Variants in MAP2 observed in about 807,000 individuals in gnomAD.
MAP2 encodes the protein microtubule-associated protein 2.
Under a neutral mutation model 137.6 loss-of-function variants are expected in MAP2, and 14 were observed. The observed-to-expected ratio is 0.10, with a 90% CI of 0.07 to 0.16. The LOEUF (loss-of-function observed/expected upper bound fraction) is 0.16. Among genes scored for constraint, MAP2 ranks in the 10% least tolerant of loss-of-function variants. MAP2 has a pLI of 1.00. For synonymous variants in MAP2, 786 were observed against 782.3 expected (o/e 1.00, Z -0.08); for missense variants, 2,088 against 2,191.5 (o/e 0.95, Z 0.94).
At chr2:209,448,114 A>G (rs1699516455) in intron 1 of MAP2, among the ~76,000 whole-genome samples, 1 of 152,166 alleles carries the variant, frequency 6.6e-6, no homozygotes, top group Non-Finnish European at 1.5e-5. Context: ...CAAGTAGAAG[A>G]AAAATCTACT....
At chr2:209,470,471 A>T (rs949986631) in intron 1 of MAP2, among the ~76,000 whole-genome samples, 1 of 149,414 alleles carries the variant, frequency 6.7e-6, no homozygotes, top group Non-Finnish European at 1.5e-5. Context: ...ATATATAAAC[A>T]TATATATTAT....
At chr2:209,537,140 A>AT (rs1258929977) in intron 2 of MAP2, among the ~76,000 whole-genome samples, 1 of 151,920 alleles carries the variant, frequency 6.6e-6, no homozygotes, top group African/African-American at 2.4e-5. Context: ...TGTCAGCACC[A>AT]TTTTTTCAAC....
intron 5 of MAP2, among the ~76,000 whole-genome samples, chr2:209,660,827 G>A (rs1219831504): frequency 2.7e-5 from 4 of 148,110 alleles, no homozygotes; most frequent in Admixed American, 2.0e-4. Flanking sequence ...TCCGCCTCCC[G>A]GATTCACACC....
chr2:209,561,085 T>A (rs111984467), intron 2 of MAP2, among the ~76,000 whole-genome samples: 3,710 of 152,184 alleles, frequency 0.024, 148 homozygotes, highest in African/African-American at 0.084. Flanking sequence ...AGGCATGAGG[T>A]TGGAGGAAGG....
intron 1 of MAP2, among the ~76,000 whole-genome samples, chr2:209,477,487 A>G (rs965142721): frequency 6.6e-6 from 1 of 152,112 alleles, no homozygotes; most frequent in Non-Finnish European, 1.5e-5. Context: ...GGTTCATGCT[A>G]TTCCTAAAAC....
At chr2:209,647,144 T>C (rs1381726759) in intron 4 of MAP2, among the ~76,000 whole-genome samples, 1 of 151,942 alleles carries the variant, frequency 6.6e-6, no homozygotes, top group Non-Finnish European at 1.5e-5. Context: ...CAATCAGATA[T>C]CATGAGAGCT....
intron 3 of MAP2, among the ~76,000 whole-genome samples, chr2:209,607,776 A>G (rs2085304503): frequency 6.6e-6 from 1 of 152,094 alleles, no homozygotes; most frequent in African/African-American, 2.4e-5. Flanking sequence ...ACTGGTGTGC[A>G]CTATTGCTGG....
At position 209,694,750 on chromosome 2, in the gene MAP2, G is replaced by A. The variant is rs773350618; in HGVS notation, c.2580G>A (p.Thr860=). Reference sequence around the variant, plus strand: ...ATGAAAACCATGTCATTGTAAAAACGGACAGTCAGCTCGAAGACCTGGGCT... The same window carrying A: ...ATGAAAACCATGTCATTGTAAAAACAGACAGTCAGCTCGAAGACCTGGGCT... ...VTDENHVIVK[T]DSQLEDLGYC... is the part of the protein sequence containing the mutation. The change falls in exon 8 of 16, where the codon ACG becomes ACA. Residue 860 remains threonine (T), a synonymous_variant. Transcript: ENST00000682079. 46 of 1,614,016 alleles carry A rather than the reference G, an allele frequency of 2.9e-5. No homozygotes were observed. The highest frequency in any genetic ancestry group is 4.0e-5 in the African/African-American group (3 of 74,922).
Position 209,705,566 on chromosome 2 carries a change from T to C in MAP2, c.4585-14T>C, listed in dbSNP as rs2063158470. Reference sequence around the variant, plus strand: ...TTACAAGAACCCAATGTTCTTTTTGTTTTCTCCAATCAGGACGGAGTAACC... The same window carrying C: ...TTACAAGAACCCAATGTTCTTTTTGCTTTCTCCAATCAGGACGGAGTAACC... On this transcript the variant is annotated splice_polypyrimidine_tract_variant and intron_variant, in intron 11 of 15. Transcript: ENST00000682079. The C allele has an allele frequency of 6.4e-7, 1 of 1,570,894 alleles. No individual in the cohort carries two copies. Among genetic ancestry groups the C allele is most frequent in the South Asian group, 1.2e-5 (1 of 84,190 alleles).
chr2:209,680,149 A>G lies in MAP2; in HGVS notation c.377-601A>G, dbSNP rs62214984. 3.8e-3 allele frequency among the ~76,000 whole-genome samples: 581 copies of G among 152,242 alleles called. 4 individuals are homozygous for G. The highest frequency in any genetic ancestry group is 0.013 in the South Asian group (61 of 4,830). ...TGCTAAGACCAGAAGTTTACTCAGC[A>G]TATGGTTTTTGTCTGAAAGTTCACT... On this transcript the variant is annotated intron_variant, in intron 6 of 15. Transcript: ENST00000682079.
At chr2:209,562,012 T>C (rs2072228537) in intron 2 of MAP2, among the ~76,000 whole-genome samples, 1 of 152,194 alleles carries the variant, frequency 6.6e-6, no homozygotes, top group South Asian at 2.1e-4. Flanking sequence ...TGATAATTAC[T>C]ATTACAAGAT....
At chr2:209,716,448 C>T (rs1230755512) in intron 13 of MAP2, among the ~76,000 whole-genome samples, 1 of 152,236 alleles carries the variant, frequency 6.6e-6, no homozygotes, top group Non-Finnish European at 1.5e-5. Context: ...ACCCATGGCC[C>T]TTGGGGCCAC....
chr2:209,659,187 A>C lies in MAP2; in HGVS notation c.262+5755A>C, dbSNP rs114985647. 7.8e-3 allele frequency among the ~76,000 whole-genome samples: 1,182 copies of C among 152,220 alleles called. 17 individuals are homozygous for C. Among genetic ancestry groups the C allele is most frequent in the African/African-American group, 0.027 (1,101 of 41,528 alleles). ...ATGGATTTTTTTTTCTATAGTTTAT[A>C]ATTTACTTGGCTTTATAAATATGCT... On this transcript the variant is annotated intron_variant, in intron 5 of 15. Coordinates refer to ENST00000682079, the MANE Select transcript of MAP2 (RefSeq NM_001375505.1).
chr2:209,432,190 G>A (rs1442379303), intron 1 of MAP2, among the ~76,000 whole-genome samples: 3 of 152,020 alleles, frequency 2.0e-5, no homozygotes, highest in Non-Finnish European at 4.4e-5. Flanking sequence ...TTCCTTTTGC[G>A]TTTCTCCCAG....
At chr2:209,709,332 A>T (rs2064605627) in intron 12 of MAP2, among the ~76,000 whole-genome samples, 1 of 152,184 alleles carries the variant, frequency 6.6e-6, no homozygotes, top group African/African-American at 2.4e-5. Context: ...GATATAGTAT[A>T]GCAGTGTCTG....
chr2:209,685,495 C>G (rs1270133646), intron 7 of MAP2, among the ~76,000 whole-genome samples: 1 of 152,102 alleles, frequency 6.6e-6, no homozygotes, highest in Non-Finnish European at 1.5e-5. Context: ...TGGCATATCT[C>G]TAGAGCTTGT....
At chr2:209,611,554 C>A (rs944767878) in intron 3 of MAP2, among the ~76,000 whole-genome samples, 1 of 151,928 alleles carries the variant, frequency 6.6e-6, no homozygotes, top group Non-Finnish European at 1.5e-5. Flanking sequence ...AGAGATCTGG[C>A]TTTGTTAATA....
chr2:209,510,755 A>AGAAT (rs1355476496), intron 2 of MAP2, among the ~76,000 whole-genome samples: 1 of 152,148 alleles, frequency 6.6e-6, no homozygotes, highest in Non-Finnish European at 1.5e-5. Flanking sequence ...GTTTTTAGAT[A>AGAAT]GAATGACGAG....
chr2:209,437,843 A>G (rs1215655296), intron 1 of MAP2, among the ~76,000 whole-genome samples: 1 of 151,574 alleles, frequency 6.6e-6, no homozygotes, highest in Non-Finnish European at 1.5e-5. Context: ...GTTCCCCCTT[A>G]TCAGGACTTG....
Sources: allele counts gnomAD v4.1 joint callset (sites outside exome capture counted in the v4.1 genomes callset), GRCh38; gene constraint gnomAD v4.1.1; transcripts MANE v1.5; gene names NCBI Gene and HGNC (gene_info 2026-07-23, HGNC 2026-07-21).